The following NRIP1 variants were observed in gnomAD, a reference collection of about 807,000 sequenced individuals.
NRIP1 encodes nuclear receptor-interacting protein 1.
Under a neutral mutation model 75.0 loss-of-function variants are expected in NRIP1, and 28 were observed. The ratio of observed to expected loss-of-function variants is 0.37; its 90% CI spans 0.28 to 0.51. The LOEUF (loss-of-function observed/expected upper bound fraction) is 0.51, where lower values mean the gene tolerates loss of function less well. Among genes scored for constraint, NRIP1 ranks in the 20% least tolerant of loss-of-function variants. The pLI is 0.92. For missense variants in NRIP1, 1,435 were observed against 1,343.7 expected (o/e 1.07, Z -1.06); for synonymous variants, 526 against 487.6 (o/e 1.08, Z -1.04).
chr21:14,976,747 A>T (rs2087082262), intron 3 of NRIP1, among the ~76,000 whole-genome samples: 1 of 152,228 alleles, frequency 6.6e-6, no homozygotes, highest in Non-Finnish European at 1.5e-5. Context: ...TCTTACATGT[A>T]GGACTATTTT....
At chr21:15,024,225 GAAC>G (rs1286657745) in intron 2 of NRIP1, among the ~76,000 whole-genome samples, 1 of 152,116 alleles carries the variant, frequency 6.6e-6, no homozygotes, top group Non-Finnish European at 1.5e-5. Context: ...GATGAAAAAT[GAAC>G]AACACCATAA....
rs373749896 is a variant in NRIP1 at position 14,965,070 on chromosome 21, G to A, written c.3123C>T (p.Pro1041=). 3.7e-6 allele frequency: 6 copies of A among 1,613,554 alleles called. No homozygotes were observed. The highest frequency in any genetic ancestry group is 1.3e-5 in the African/African-American group (1 of 74,848). ...CCGCATCAGTGATAACCCACTTAAT[G>A]GGTCCTTTCTCACTGGGCATGGAAC... ...NGCSMPSEKG[P]IKWVITDAEK... Residue 1041 remains proline (P), a synonymous_variant, in exon 4 of 4, where the codon CCC becomes CCT. Transcript: ENST00000318948.
In NRIP1 at chr21:14,965,085, G is replaced by A. The variant is rs2086691128; in HGVS notation, c.3108C>T (p.Pro1036=). Residue 1036 remains proline (P), a synonymous_variant, in exon 4 of 4, where the codon CCC becomes CCT. Coordinates refer to ENST00000318948, the MANE Select transcript of NRIP1 (RefSeq NM_003489.4). The part of the protein sequence containing the change: ...ESGLLNGCSM[P]SEKGPIKWVI... ...CCCACTTAATGGGTCCTTTCTCACT[G>A]GGCATGGAACACCCATTCAAAAGCC... is the stretch of plus-strand genomic sequence containing the variant. 2 of 1,613,398 alleles carry A rather than the reference G, an allele frequency of 1.2e-6. No individual in the cohort carries two copies. The highest frequency in any genetic ancestry group is 4.5e-5 in the East Asian group (2 of 44,872).
chr21:15,011,199 T>G (rs1318005113), intron 3 of NRIP1, among the ~76,000 whole-genome samples: 2 of 151,414 alleles, frequency 1.3e-5, no homozygotes, highest in Non-Finnish European at 2.9e-5. Flanking sequence ...GTACTGGCAC[T>G]TTTTTTTTGA....
At chr21:14,996,383 C>G (rs371536729) in intron 3 of NRIP1, among the ~76,000 whole-genome samples, 1 of 152,116 alleles carries the variant, frequency 6.6e-6, no homozygotes, top group African/African-American at 2.4e-5. Context: ...GGTCTTTGGG[C>G]GTCTGTGTGA....
intron 3 of NRIP1, among the ~76,000 whole-genome samples, chr21:14,990,303 T>C (rs923068264): frequency 2.0e-5 from 3 of 152,172 alleles, no homozygotes; most frequent in Non-Finnish European, 4.4e-5. Flanking sequence ...CTCATGAACA[T>C]TGCTGGCATT....
At chr21:15,029,755 G>A (rs545327669) in intron 2 of NRIP1, among the ~76,000 whole-genome samples, 1 of 152,236 alleles carries the variant, frequency 6.6e-6, no homozygotes, top group South Asian at 2.1e-4. Flanking sequence ...GTTTGAGGCT[G>A]TGGTGAGCTA....
chr21:15,056,333 G>A (rs1228097493), intron 1 of NRIP1, among the ~76,000 whole-genome samples: 1 of 151,108 alleles, frequency 6.6e-6, no homozygotes, highest in Non-Finnish European at 1.5e-5. Flanking sequence ...ACTCAGGTCA[G>A]TCAAGTATTA....
At chr21:14,995,430 T>C (rs369222083) in intron 3 of NRIP1, among the ~76,000 whole-genome samples, 12 of 152,176 alleles carry the variant, frequency 7.9e-5, no homozygotes, top group African/African-American at 2.4e-4. Context: ...GGATCTGAGA[T>C]TGTCAGTAGC....
chr21:14,984,487 G>T (rs1320506763), intron 3 of NRIP1, among the ~76,000 whole-genome samples: 4 of 151,500 alleles, frequency 2.6e-5, no homozygotes, highest in African/African-American at 4.8e-5. Context: ...TTACACATGT[G>T]TAAAGAAAGC....
At position 14,964,734 on chromosome 21, in the gene NRIP1, T is replaced by C. The variant is rs1479315219; in HGVS notation, c.3459A>G (p.Ile1153Met). 2 of 1,548,114 alleles carry C rather than the reference T, an allele frequency of 1.3e-6. No homozygotes were observed. Among genetic ancestry groups the C allele is most frequent in the African/African-American group, 2.8e-5 (2 of 72,032 alleles). Residue 1153 changes from isoleucine to methionine, a missense_variant, in exon 4 of 4, where the codon ATA (isoleucine) becomes ATG (methionine). Transcript: ENST00000318948. ...VYGLLGSVLTIKKESE is the reference protein window; with the variant it reads ...VYGLLGSVLTMKKESE ...GTACATTTTATTCTGATTCTTTCTT[T>C]ATCGTTAGCACGCTTCCCAGAAGTC...
Position 14,965,850 on chromosome 21 carries a change from G to T in NRIP1, c.2343C>A (p.Phe781Leu). ...HLSHDAKSAP[F>L]LGMAPAVQRS... Reference sequence around the variant, plus strand: ...TCTGCACAGCAGGAGCCATACCCAAGAATGGGGCACTCTTAGCATCATGGC... The same window carrying T: ...TCTGCACAGCAGGAGCCATACCCAATAATGGGGCACTCTTAGCATCATGGC... Residue 781 changes from phenylalanine (F) to leucine (L), a missense_variant, in exon 4 of 4, where the codon TTC (phenylalanine) becomes TTA (leucine). Coordinates refer to ENST00000318948, the MANE Select transcript of NRIP1 (RefSeq NM_003489.4). 1 of 1,614,064 alleles carries T rather than the reference G, an allele frequency of 6.2e-7. No individual in the cohort carries two copies. The highest frequency in any genetic ancestry group is 8.5e-7 in the Non-Finnish European group (1 of 1,179,994).
Position 14,965,717 on chromosome 21 carries a change from T to C in NRIP1, c.2476A>G (p.Asn826Asp), listed in dbSNP as rs1357338572. The C allele has an allele frequency of 1.2e-6, 2 of 1,613,874 alleles. No homozygotes were observed. Among genetic ancestry groups the C allele is most frequent in the East Asian group, 2.2e-5 (1 of 44,872 alleles). ...TCATCTGCCAGGTAACTATCTTGAT[T>C]TTGTCTTAGCAATCGACTTAGCAGA... The part of the protein sequence containing the change: ...NGLLSRLLRQ[N>D]QDSYLADDSD... The change falls in exon 4 of 4, where the codon AAT (asparagine) becomes GAT (aspartate). Residue 826 changes from asparagine (N) to aspartate (D), a missense_variant. Asn to Asp is a conservative substitution (Grantham distance 23). Coordinates refer to ENST00000318948, the MANE Select transcript of NRIP1 (RefSeq NM_003489.4).
chr21:15,056,761 A>ATTAT (rs1437464164), intron 1 of NRIP1, among the ~76,000 whole-genome samples: 1 of 152,218 alleles, frequency 6.6e-6, no homozygotes, highest in African/African-American at 2.4e-5. Context: ...TACACGTCTT[A>ATTAT]TTATTCATCT....
chr21:14,969,996 G>T (rs900380633), intron 3 of NRIP1, among the ~76,000 whole-genome samples: 21 of 152,014 alleles, frequency 1.4e-4, no homozygotes, highest in Admixed American at 1.3e-3. Flanking sequence ...GAAATGAAAT[G>T]GTTATCATGA....
chr21:14,975,378 C>A (rs891094856), intron 3 of NRIP1, among the ~76,000 whole-genome samples: 4 of 151,928 alleles, frequency 2.6e-5, no homozygotes, highest in African/African-American at 9.7e-5. Flanking sequence ...AAGGGAAAGA[C>A]TATAAAGACA....
At chr21:15,041,655 T>C (rs1471616312) in intron 2 of NRIP1, among the ~76,000 whole-genome samples, 1 of 152,170 alleles carries the variant, frequency 6.6e-6, no homozygotes, top group Non-Finnish European at 1.5e-5. Context: ...CTATCAACTC[T>C]ATTGAAACAT....
intron 3 of NRIP1, among the ~76,000 whole-genome samples, chr21:15,002,895 G>C (rs1165268940): frequency 6.6e-6 from 1 of 152,100 alleles, no homozygotes; most frequent in Non-Finnish European, 1.5e-5. Context: ...ACATACAAAA[G>C]ATTTTCATGT....
At chr21:15,018,911 C>A (rs113286029) in intron 2 of NRIP1, among the ~76,000 whole-genome samples, 1 of 151,894 alleles carries the variant, frequency 6.6e-6, no homozygotes, top group Non-Finnish European at 1.5e-5. Context: ...CCCCATTTTA[C>A]GGAGAAAAAA....
Sources: allele counts gnomAD v4.1 joint callset (sites outside exome capture counted in the v4.1 genomes callset), GRCh38; gene constraint gnomAD v4.1.1; transcripts MANE v1.5; gene names NCBI Gene and HGNC (gene_info 2026-07-23, HGNC 2026-07-21).